CNOT6L: variants seen among roughly 807,000 people sequenced by gnomAD.
The protein encoded by CNOT6L is CCR4-NOT transcription complex subunit 6 like.
In CNOT6L, 7 loss-of-function variants were observed where a neutral mutation model predicts 64.0. The observed-to-expected ratio is 0.11, with a 90% CI of 0.06 to 0.21. The LOEUF (loss-of-function observed/expected upper bound fraction) is 0.21. Among genes scored for constraint, CNOT6L ranks in the 10% least tolerant of loss-of-function variants. The pLI is 1.00. For missense variants in CNOT6L, 245 were observed against 669.0 expected (o/e 0.37, Z 6.99); for synonymous variants, 193 against 243.4 (o/e 0.79, Z 1.93).
intron 4 of CNOT6L, among the ~76,000 whole-genome samples, chr4:77,766,424 C>A (rs544825470): frequency 2.6e-4 from 39 of 151,834 alleles, no homozygotes; most frequent in African/African-American, 8.9e-4. Context: ...AGAAGCAGTC[C>A]CTTTAAAACT....
At chr4:77,720,960 T>C (rs1195525196) in intron 11 of CNOT6L, among the ~76,000 whole-genome samples, 1 of 152,200 alleles carries the variant, frequency 6.6e-6, no homozygotes, top group Non-Finnish European at 1.5e-5. Flanking sequence ...AACATATCAG[T>C]ATAAATATAA....
intron 1 of CNOT6L, among the ~76,000 whole-genome samples, chr4:77,790,347 T>A (rs1729981851): frequency 6.6e-6 from 1 of 152,222 alleles, no homozygotes; most frequent in Non-Finnish European, 1.5e-5. Context: ...GTTTGGACAA[T>A]TATGAATAAA....
intron 1 of CNOT6L, among the ~76,000 whole-genome samples, chr4:77,808,921 T>C (rs938262819): frequency 6.6e-6 from 1 of 152,204 alleles, no homozygotes; most frequent in Admixed American, 6.5e-5. Context: ...TAAATTCAAA[T>C]AGATCTGGTT....
rs149132250 is a variant in CNOT6L at position 77,786,264 on chromosome 4, G to A, written c.6-9872C>T. Among the ~76,000 whole-genome samples the A allele has an allele frequency of 2.2e-4, 28 of 125,324 alleles. No homozygotes were observed. In the East Asian group the frequency reaches 6.7e-3, roughly 30 times the overall value. 82.2% of individuals were successfully genotyped at this position (125,324 alleles called of 152,430 possible). ...CCACTGCACTCCAGCTGGGGCAACA[G>A]AGTGAGACTCCCTCTAAAAAAAAAG... is the stretch of plus-strand genomic sequence containing the variant. On this transcript the variant is annotated intron_variant, in intron 1 of 11. Transcript: ENST00000504123.
rs1017936943 is a variant in CNOT6L, at chr4:77,716,981, C to G, written c.*3450G>C. On this transcript the variant is annotated 3_prime_UTR_variant, in exon 12 of 12. Coordinates refer to ENST00000504123, the MANE Select transcript of CNOT6L (RefSeq NM_144571.3). ...TGTGATATTCAAACGAATGTTCACA[C>G]GCCTTACATCAAAGAAATGAAACAA... 1 of 152,458 alleles carries G rather than the reference C, an allele frequency of 6.6e-6. No homozygotes were observed. The highest frequency in any genetic ancestry group is 1.5e-5 in the Non-Finnish European group (1 of 67,996). The allele number at this position is 152,458 out of a possible 1,614,324, so 9.4% of individuals were successfully genotyped here.
At chr4:77,801,822 G>A (rs531677928) in intron 1 of CNOT6L, among the ~76,000 whole-genome samples, 7 of 152,044 alleles carry the variant, frequency 4.6e-5, no homozygotes, top group South Asian at 2.1e-4. Flanking sequence ...TCAGGAGCCC[G>A]AGGCTATAGC....
At chr4:77,798,270 T>C (rs770054116) in intron 1 of CNOT6L, among the ~76,000 whole-genome samples, 1 of 152,174 alleles carries the variant, frequency 6.6e-6, no homozygotes, top group Non-Finnish European at 1.5e-5. Flanking sequence ...ATCGTACCAT[T>C]GCACTCCTGC....
At chr4:77,768,606 ACTC>A (rs1043440701) in intron 4 of CNOT6L, among the ~76,000 whole-genome samples, 2 of 150,664 alleles carry the variant, frequency 1.3e-5, no homozygotes, top group Non-Finnish European at 3.0e-5. Flanking sequence ...AGAAAAAAGA[ACTC>A]CTCCAATTCA....
chr4:77,801,643 A>T (rs1731571020), intron 1 of CNOT6L, among the ~76,000 whole-genome samples: 1 of 132,124 alleles, frequency 7.6e-6, no homozygotes, highest in Admixed American at 8.5e-5. Flanking sequence ...TTTCTTAACA[A>T]ATTTTAAAAC....
At chr4:77,773,633 C>A (rs573981367) in intron 3 of CNOT6L, among the ~76,000 whole-genome samples, 16 of 152,050 alleles carry the variant, frequency 1.1e-4, no homozygotes, top group Admixed American at 1.0e-3. Flanking sequence ...TAACTGAATA[C>A]TACTCTAATC....
chr4:77,793,717 A>G (rs1259439587), intron 1 of CNOT6L, among the ~76,000 whole-genome samples: 1 of 152,234 alleles, frequency 6.6e-6, no homozygotes, highest in Non-Finnish European at 1.5e-5. Context: ...AGACATGGCC[A>G]ACATGATTAC....
chr4:77,762,936 T>A (rs1726403991), intron 4 of CNOT6L, among the ~76,000 whole-genome samples: 1 of 152,186 alleles, frequency 6.6e-6, no homozygotes, highest in Non-Finnish European at 1.5e-5. Flanking sequence ...AATTTCACTA[T>A]GTATAAATAG....
intron 5 of CNOT6L, among the ~76,000 whole-genome samples, chr4:77,753,919 AC>A (rs1418813646): frequency 4.4e-5 from 6 of 137,784 alleles, no homozygotes; most frequent in Admixed American, 7.4e-5. Flanking sequence ...AAAAAAAAAA[AC>A]TTGCCTAGCA....
chr4:77,726,142 C>T, intron 11 of CNOT6L, 25 bp downstream of exon 11: 1 of 1,599,564 alleles, frequency 6.3e-7, no homozygotes, highest in Non-Finnish European at 8.6e-7. Flanking sequence ...ATAATTTCTA[C>T]ACCTGCCCAA....
At chr4:77,785,229 A>G (rs1181233760) in intron 1 of CNOT6L, among the ~76,000 whole-genome samples, 1 of 152,236 alleles carries the variant, frequency 6.6e-6, no homozygotes, top group Non-Finnish European at 1.5e-5. Context: ...ATATGGAAAA[A>G]TAAATAAACA....
At chr4:77,750,078 A>C (rs1196864758) in intron 5 of CNOT6L, among the ~76,000 whole-genome samples, 2 of 152,198 alleles carry the variant, frequency 1.3e-5, no homozygotes, top group Non-Finnish European at 2.9e-5. Flanking sequence ...GAGTAAAAAG[A>C]AGTAGAAAAA....
At chr4:77,738,766 A>AAAC (rs1203010980) in intron 8 of CNOT6L, among the ~76,000 whole-genome samples, 17 of 152,048 alleles carry the variant, frequency 1.1e-4, no homozygotes, top group African/African-American at 3.4e-4. Flanking sequence ...AAAAAAAAAA[A>AAAC]AAAAATGTAT....
At chr4:77,739,510 GA>G (rs1723343205) in intron 8 of CNOT6L, among the ~76,000 whole-genome samples, 1 of 152,164 alleles carries the variant, frequency 6.6e-6, no homozygotes, top group Non-Finnish European at 1.5e-5. Flanking sequence ...CCAGTCTGAA[GA>G]AAGAATAAAG....
At chr4:77,760,510 T>G (rs928943700) in intron 4 of CNOT6L, among the ~76,000 whole-genome samples, 8 of 150,932 alleles carry the variant, frequency 5.3e-5, no homozygotes, top group Non-Finnish European at 1.5e-5. Context: ...CAAAAAGATC[T>G]AAACTCGATA....
Sources: allele counts gnomAD v4.1 joint callset (sites outside exome capture counted in the v4.1 genomes callset), GRCh38; gene constraint gnomAD v4.1.1; transcripts MANE v1.5; gene names NCBI Gene and HGNC (gene_info 2026-07-23, HGNC 2026-07-21).